Variants in HDAC9 observed in about 807,000 individuals in gnomAD.
HDAC9 encodes the protein MEF-2 interacting transcription repressor (MITR) protein.
HDAC9 carries 41 observed loss-of-function variants against 139.4 expected under a neutral mutation model. The observed-to-expected ratio is 0.29, with a 90% CI of 0.23 to 0.38. HDAC9 has a LOEUF of 0.38. Ranked by LOEUF, HDAC9 falls within the 10% of genes least tolerant of loss-of-function variation. HDAC9 has a pLI of 1.00. For missense variants in HDAC9, 1,147 were observed against 1,297.0 expected (o/e 0.88, Z 1.78); for synonymous variants, 517 against 476.2 (o/e 1.09, Z -1.12).
rs144640126 is a variant in HDAC9, at chr7:18,668,302, C to G, written c.1731+1826C>G. On this transcript the variant is annotated intron_variant, in intron 12 of 25. Transcript: ENST00000686413. The stretch of plus-strand genomic sequence containing the variant: ...ACCAACATATTTTGGTTAGTATATT[C>G]CTTCATATTAAAATGACTTTTTGTC... 7.2e-5 allele frequency: 69 copies of G among 955,534 alleles called. 1 individual carries two copies. In the East Asian group the frequency reaches 7.4e-3, roughly 102 times the overall value. The allele number at this position is 955,534 out of a possible 1,614,324, so 59.2% of individuals were successfully genotyped here.
chr7:18,471,876 C>G (rs1195094836), intron 1 of HDAC9, among the ~76,000 whole-genome samples: 1 of 152,054 alleles, frequency 6.6e-6, no homozygotes, highest in Admixed American at 6.6e-5. Flanking sequence ...GAAGATGCAA[C>G]TAGTTTAGAT....
At chr7:18,666,671 C>A (rs531130499) in intron 12 of HDAC9, 195 bp downstream of exon 12, 2 of 1,358,420 alleles carry the variant, frequency 1.5e-6, no homozygotes, top group Admixed American at 3.1e-5. Flanking sequence ...ATATACTGAT[C>A]TCTATATAGA....
intron 1 of HDAC9, among the ~76,000 whole-genome samples, chr7:18,469,057 G>A (rs1794525751): frequency 6.6e-6 from 1 of 152,112 alleles, no homozygotes; most frequent in Non-Finnish European, 1.5e-5. Flanking sequence ...CATTGATTCA[G>A]ACCCACATCT....
intron 2 of HDAC9, among the ~76,000 whole-genome samples, chr7:18,550,150 T>C (rs1419651604): frequency 6.6e-6 from 1 of 152,178 alleles, no homozygotes; most frequent in East Asian, 1.9e-4. Flanking sequence ...AACTCAATCT[T>C]TTTGTTTTTT....
intron 22 of HDAC9, among the ~76,000 whole-genome samples, chr7:18,919,687 A>G (rs1585310509): frequency 6.6e-6 from 1 of 151,986 alleles, no homozygotes; most frequent in African/African-American, 2.4e-5. Flanking sequence ...CTCCTATACA[A>G]TTTCATGGAA....
At chr7:18,579,923 AGTT>A (rs1442267571) in intron 2 of HDAC9, among the ~76,000 whole-genome samples, 1 of 152,194 alleles carries the variant, frequency 6.6e-6, no homozygotes, top group Non-Finnish European at 1.5e-5. Context: ...AAGGCTTGCA[AGTT>A]GTTTACTTAA....
intron 2 of HDAC9, among the ~76,000 whole-genome samples, chr7:18,515,603 A>G (rs892632122): frequency 1.3e-5 from 2 of 152,208 alleles, no homozygotes; most frequent in African/African-American, 4.8e-5. Flanking sequence ...TGTCAGTGAG[A>G]TCAAAGAGCA....
chr7:18,930,801 G>C (rs1804673861), intron 22 of HDAC9, among the ~76,000 whole-genome samples: 1 of 152,094 alleles, frequency 6.6e-6, no homozygotes, highest in Non-Finnish European at 1.5e-5. Flanking sequence ...GTAAAAGAAA[G>C]AGGAATTTGG....
intron 16 of HDAC9, among the ~76,000 whole-genome samples, chr7:18,772,273 A>T (rs1161776500): frequency 1.3e-5 from 2 of 152,056 alleles, no homozygotes; most frequent in Non-Finnish European, 2.9e-5. Context: ...AACACACCGT[A>T]TTTCTGACAA....
intron 1 of HDAC9, among the ~76,000 whole-genome samples, chr7:18,158,409 A>G (rs1413578539): frequency 1.3e-5 from 2 of 152,274 alleles, no homozygotes; most frequent in African/African-American, 2.4e-5. Context: ...CTGTATCTCA[A>G]TGAGCCATTA....
intron 1 of HDAC9, among the ~76,000 whole-genome samples, chr7:18,100,105 GT>G (rs1032113957): frequency 2.0e-5 from 3 of 151,840 alleles, no homozygotes. Flanking sequence ...TTCTAGGTCA[GT>G]TTTTTTCTTT....
intron 21 of HDAC9, among the ~76,000 whole-genome samples, chr7:18,873,318 A>G (rs756195501): frequency 1.3e-5 from 2 of 152,174 alleles, no homozygotes; most frequent in African/African-American, 2.4e-5. Context: ...ACTACTGTGG[A>G]AGTCACTTAC....
At chr7:18,747,625 A>T (rs536283496) in intron 13 of HDAC9, among the ~76,000 whole-genome samples, 1 of 152,302 alleles carries the variant, frequency 6.6e-6, no homozygotes, top group South Asian at 2.1e-4. Context: ...TTCAATGGGG[A>T]AGTGTGTAAG....
At chr7:18,478,648 AGTTCC>A (rs1253630464) in intron 1 of HDAC9, among the ~76,000 whole-genome samples, 35 of 152,242 alleles carry the variant, frequency 2.3e-4, no homozygotes, top group African/African-American at 7.5e-4. Flanking sequence ...CAGAATATTT[AGTTCC>A]CTTACAAAAT....
intron 2 of HDAC9, among the ~76,000 whole-genome samples, chr7:18,181,193 G>A (rs1391770200): frequency 9.9e-5 from 15 of 152,068 alleles, no homozygotes; most frequent in Admixed American, 8.5e-4. Flanking sequence ...GCTACTAAAC[G>A]CCTGAAATAA....
intron 21 of HDAC9, among the ~76,000 whole-genome samples, chr7:18,838,729 A>G (rs933268063): frequency 6.6e-6 from 1 of 151,976 alleles, no homozygotes. Flanking sequence ...TGGGTGCAGG[A>G]AATGGAGGTG....
At chr7:18,723,183 T>G (rs1460805767) in intron 12 of HDAC9, among the ~76,000 whole-genome samples, 1 of 152,180 alleles carries the variant, frequency 6.6e-6, no homozygotes, top group Non-Finnish European at 1.5e-5. Flanking sequence ...GTTTCCTTGT[T>G]TTATCCTATC....
chr7:18,123,451 C>T (rs529087100), intron 1 of HDAC9, among the ~76,000 whole-genome samples: 1 of 152,294 alleles, frequency 6.6e-6, no homozygotes, highest in Non-Finnish European at 1.5e-5. Flanking sequence ...TCCAGGCCAA[C>T]CCACAAAAGC....
chr7:18,296,595 A>C (rs1228195612), intron 1 of HDAC9, among the ~76,000 whole-genome samples: 2 of 152,214 alleles, frequency 1.3e-5, no homozygotes, highest in African/African-American at 4.8e-5. Context: ...TTAAAATTCT[A>C]CTACATATGT....
Sources: allele counts gnomAD v4.1 joint callset (sites outside exome capture counted in the v4.1 genomes callset), GRCh38; gene constraint gnomAD v4.1.1; transcripts MANE v1.5; gene names NCBI Gene and HGNC (gene_info 2026-07-23, HGNC 2026-07-21).